Variants in CWF19L2 observed in about 807,000 individuals in gnomAD.
CWF19L2 encodes the protein CWF19-like protein 2.
A neutral mutation model predicts 111.7 loss-of-function variants in CWF19L2; 98 were observed. The observed-to-expected ratio is 0.88, with a 90% confidence interval of 0.75 to 1.04. The LOEUF (loss-of-function observed/expected upper bound fraction) is 1.04, where lower values mean the gene tolerates loss of function less well. Among genes scored for constraint, CWF19L2 ranks in the 50% least tolerant of loss-of-function variants. The pLI is 0.00. For missense variants in CWF19L2, 1,101 were observed against 1,051.4 expected (o/e 1.05, Z -0.65); for synonymous variants, 351 against 342.9 (o/e 1.02, Z -0.26).
At chr11:107,369,809 CATAATT>C (rs1860483017) in intron 12 of CWF19L2, among the ~76,000 whole-genome samples, 1 of 138,242 alleles carries the variant, frequency 7.2e-6, no homozygotes, top group African/African-American at 2.9e-5. Context: ...ATTAAGACAG[CATAATT>C]ATAACTGTGG....
At chr11:107,337,661 TC>T (rs1361888025) in intron 14 of CWF19L2, among the ~76,000 whole-genome samples, 3 of 152,120 alleles carry the variant, frequency 2.0e-5, no homozygotes, top group African/African-American at 7.2e-5. Context: ...ATGCCTGTAA[TC>T]CCAGCACTTT....
At chr11:107,411,894 CA>C (rs1861161709) in intron 10 of CWF19L2, among the ~76,000 whole-genome samples, 1 of 152,064 alleles carries the variant, frequency 6.6e-6, no homozygotes, top group Non-Finnish European at 1.5e-5. Flanking sequence ...GACGGATTGT[CA>C]AAAGATCAAA....
intron 10 of CWF19L2, among the ~76,000 whole-genome samples, chr11:107,415,222 T>G (rs1861208715): frequency 6.6e-6 from 1 of 152,108 alleles, no homozygotes; most frequent in Admixed American, 6.6e-5. Flanking sequence ...AAATCTCTGT[T>G]CCCTATGACT....
intron 12 of CWF19L2, among the ~76,000 whole-genome samples, chr11:107,360,498 C>A (rs1860310627): frequency 1.3e-5 from 2 of 152,054 alleles, no homozygotes; most frequent in South Asian, 2.1e-4. Flanking sequence ...TAGATAGATA[C>A]CTAGTAATGG....
At chr11:107,367,920 C>G (rs1202821743) in intron 12 of CWF19L2, among the ~76,000 whole-genome samples, 2 of 137,018 alleles carry the variant, frequency 1.5e-5, no homozygotes, top group Non-Finnish European at 3.1e-5. Flanking sequence ...ACTGCAAATA[C>G]AGCATACCCA....
At chr11:107,394,495 T>C (rs1393597794) in intron 10 of CWF19L2, among the ~76,000 whole-genome samples, 1 of 152,222 alleles carries the variant, frequency 6.6e-6, no homozygotes, top group Non-Finnish European at 1.5e-5. Context: ...TGGTTCTGTT[T>C]ATTACATTCT....
chr11:107,363,341 C>T (rs369649553), intron 12 of CWF19L2, among the ~76,000 whole-genome samples: 1 of 152,080 alleles, frequency 6.6e-6, no homozygotes, highest in Middle Eastern at 3.4e-3. Flanking sequence ...AGATACTCCT[C>T]GAGAAGAGCA....
chr11:107,444,556 T>C (rs1861675427), intron 3 of CWF19L2, among the ~76,000 whole-genome samples: 1 of 152,176 alleles, frequency 6.6e-6, no homozygotes. Flanking sequence ...GTCTAAACAT[T>C]CCCTTTGGGC....
chr11:107,350,642 T>G (rs1221798790), intron 13 of CWF19L2, among the ~76,000 whole-genome samples: 1 of 152,092 alleles, frequency 6.6e-6, no homozygotes, highest in Non-Finnish European at 1.5e-5. Context: ...GTATTTTTTA[T>G]AGTAGCCCGA....
At chr11:107,360,379 T>C (rs941552118) in intron 12 of CWF19L2, among the ~76,000 whole-genome samples, 2 of 152,252 alleles carry the variant, frequency 1.3e-5, no homozygotes, top group Non-Finnish European at 2.9e-5. Flanking sequence ...GTTTATCCAA[T>C]CATCCACTGA....
intron 5 of CWF19L2, among the ~76,000 whole-genome samples, chr11:107,439,599 T>C (rs554174332): frequency 1.3e-5 from 2 of 152,324 alleles, no homozygotes; most frequent in South Asian, 4.1e-4. Flanking sequence ...AGTCCAAGGA[T>C]GAGCATAAAT....
Position 107,414,641 on chromosome 11 carries a change from C to G in CWF19L2, c.1617+1568G>C, listed in dbSNP as rs73549845. Reference sequence around the variant, plus strand: ...TCTCAATATATCCAAAACAGAACCTCTGATTTGCCCCAAAACCTATTCTTC... The same window carrying G: ...TCTCAATATATCCAAAACAGAACCTGTGATTTGCCCCAAAACCTATTCTTC... On this transcript the variant is annotated intron_variant, in intron 10 of 17. Coordinates refer to ENST00000282251, the MANE Select transcript of CWF19L2 (RefSeq NM_152434.3). Among the ~76,000 whole-genome samples the G allele has an allele frequency of 3.6e-3, 548 of 152,208 alleles. 1 individual carries two copies. The highest frequency in any genetic ancestry group is 0.013 in the African/African-American group (533 of 41,550).
chr11:107,419,749 CAG>C (rs1861277766), intron 8 of CWF19L2, among the ~76,000 whole-genome samples: 1 of 152,046 alleles, frequency 6.6e-6, no homozygotes, highest in Non-Finnish European at 1.5e-5. Flanking sequence ...AAAAATGAAA[CAG>C]AGAAAAGAAT....
intron 12 of CWF19L2, among the ~76,000 whole-genome samples, chr11:107,362,269 G>A (rs1314984912): frequency 6.6e-6 from 1 of 152,138 alleles, no homozygotes; most frequent in African/African-American, 2.4e-5. Flanking sequence ...CATTGCCCAG[G>A]CTTGCTTAGG....
chr11:107,372,865 T>A (rs1860533073), intron 12 of CWF19L2, among the ~76,000 whole-genome samples: 1 of 129,160 alleles, frequency 7.7e-6, no homozygotes, highest in Non-Finnish European at 1.6e-5. Flanking sequence ...AGGTACCGGG[T>A]TCATCTCACT....
intron 12 of CWF19L2, among the ~76,000 whole-genome samples, chr11:107,376,168 C>T (rs1470580127): frequency 7.8e-6 from 1 of 127,546 alleles, no homozygotes; most frequent in African/African-American, 3.3e-5. Context: ...GATTCACAGC[C>T]AAATTCTACC....
intron 12 of CWF19L2, among the ~76,000 whole-genome samples, chr11:107,354,433 T>G (rs936478521): frequency 4.6e-5 from 7 of 152,322 alleles, no homozygotes; most frequent in Non-Finnish European, 1.0e-4. Flanking sequence ...ATGCCTTATT[T>G]CCTCATTTTA....
intron 12 of CWF19L2, among the ~76,000 whole-genome samples, chr11:107,357,052 A>C (rs1860248374): frequency 6.8e-6 from 1 of 146,582 alleles, no homozygotes; most frequent in Non-Finnish European, 1.5e-5. Flanking sequence ...CAACAAAACA[A>C]AAACAAAAAC....
At chr11:107,412,624 A>G (rs1861173570) in intron 10 of CWF19L2, among the ~76,000 whole-genome samples, 1 of 152,238 alleles carries the variant, frequency 6.6e-6, no homozygotes, top group South Asian at 2.1e-4. Flanking sequence ...TACAGGCATG[A>G]GCCAGTGCGC....
Sources: gnomAD v4.1 joint callset for allele counts (sites outside exome capture counted in the v4.1 genomes callset) on GRCh38, gnomAD v4.1.1 for gene constraint, MANE v1.5 for transcripts, NCBI Gene and HGNC (gene_info 2026-07-23, HGNC 2026-07-21) for gene names.